The following AFF4 variants were observed in gnomAD, a reference collection of about 807,000 sequenced individuals.
AFF4 encodes the protein AF4/FMR2 family member 4.
AFF4 carries 13 observed loss-of-function variants against 124.8 expected under a neutral mutation model. The observed-to-expected ratio is 0.10, with a 90% CI of 0.07 to 0.17. AFF4 has a LOEUF of 0.17. Among genes scored for constraint, AFF4 ranks in the 10% least tolerant of loss-of-function variants. The pLI is 1.00. For missense variants in AFF4, 1,092 were observed against 1,403.8 expected (o/e 0.78, Z 3.55); for synonymous variants, 477 against 496.1 (o/e 0.96, Z 0.51).
At chr5:132,962,340 T>C (rs1048893380) in intron 1 of AFF4, among the ~76,000 whole-genome samples, 12 of 152,146 alleles carry the variant, frequency 7.9e-5, no homozygotes, top group Non-Finnish European at 1.8e-4. Context: ...AATGGAAAAG[T>C]GACTGGCCTT....
In AFF4 at chr5:132,879,362, A is replaced by T. The variant is rs990132587; in HGVS notation, c.*1697T>A. ...AGCAATCATCTACAAATAGTAGGAT[A>T]ATCTTTTTTTCTGACTGAATGGATT... On this transcript the variant is annotated 3_prime_UTR_variant, in exon 21 of 21. Coordinates refer to ENST00000265343, the MANE Select transcript of AFF4 (RefSeq NM_014423.4). 1 of 210,898 alleles carries T rather than the reference A, an allele frequency of 4.7e-6. No homozygotes were observed. 13.1% of individuals were successfully genotyped at this position (210,898 alleles called of 1,614,324 possible).
intron 6 of AFF4, among the ~76,000 whole-genome samples, chr5:132,902,704 C>T (rs1038334756): frequency 2.0e-5 from 3 of 152,118 alleles, no homozygotes; most frequent in Admixed American, 6.5e-5. Context: ...TAAACTCATA[C>T]GATCTTCTTG....
intron 5 of AFF4, among the ~76,000 whole-genome samples, chr5:132,912,173 C>CAA (rs1188332109): frequency 3.7e-4 from 24 of 64,058 alleles, no homozygotes; most frequent in East Asian, 5.2e-4. Flanking sequence ...ACTAAAAATA[C>CAA]AAAAAAAAAA....
At chr5:132,917,098 T>C (rs1373329584) in intron 5 of AFF4, among the ~76,000 whole-genome samples, 1 of 152,032 alleles carries the variant, frequency 6.6e-6, no homozygotes, top group African/African-American at 2.4e-5. Flanking sequence ...TTTGTATTTT[T>C]AGTAGAGACA....
Position 132,937,197 on chromosome 5 carries a change from T to C in AFF4, c.-4-4A>G. On this transcript the variant is annotated splice_region_variant and splice_polypyrimidine_tract_variant and intron_variant, in intron 1 of 20. Transcript: ENST00000265343. ...CCGGTCTTCACGGTTCATGTTGCTA[T>C]GAAAAGAAACACAATCTTTGTATCA... 1 of 1,602,884 alleles carries C rather than the reference T, an allele frequency of 6.2e-7. No homozygotes were observed. Among genetic ancestry groups the C allele is most frequent in the Non-Finnish European group, 8.5e-7 (1 of 1,173,460 alleles).
At chr5:132,920,215 A>G (rs1035089588) in intron 5 of AFF4, among the ~76,000 whole-genome samples, 1 of 151,690 alleles carries the variant, frequency 6.6e-6, no homozygotes, top group African/African-American at 2.4e-5. Context: ...ATGTCTGGCT[A>G]ATTTTTATAT....
intron 5 of AFF4, among the ~76,000 whole-genome samples, chr5:132,920,356 A>AT (rs71581351): frequency 0.036 from 4,522 of 125,814 alleles, 207 homozygotes; most frequent in East Asian, 0.13. Context: ...GCGGGCAAAC[A>AT]TTTTTTTTTT....
intron 10 of AFF4, among the ~76,000 whole-genome samples, chr5:132,898,025 T>C (rs1181290304): frequency 1.3e-5 from 2 of 152,224 alleles, no homozygotes; most frequent in African/African-American, 4.8e-5. Context: ...ACCTGTAATA[T>C]GCCAAGCAGT....
In AFF4 at chr5:132,899,121, C is replaced by T. The variant is rs186301624; in HGVS notation, c.1209G>A (p.Pro403=). 1.9e-5 allele frequency: 30 copies of T among 1,613,216 alleles called. 2 individuals are homozygous for T. Among genetic ancestry groups the T allele is most frequent in the African/African-American group, 1.2e-4 (9 of 75,004 alleles). ...ATGCCCACCTTCCTGGTGTACTCCT[C>T]GGCATTGTCTTATCACAATCCTAAA... ...DGEQDCDKTM[P]RSTPGSNSEP... The change falls in exon 9 of 21, where the codon CCG becomes CCA. Residue 403 remains proline (P), a synonymous_variant. Transcript: ENST00000265343.
At chr5:132,928,438 T>C (rs1485341148) in intron 4 of AFF4, among the ~76,000 whole-genome samples, 2 of 152,208 alleles carry the variant, frequency 1.3e-5, no homozygotes, top group African/African-American at 4.8e-5. Context: ...TTACTAGTGA[T>C]CTTTGTAGCC....
At chr5:132,943,538 G>C (rs929943497) in intron 1 of AFF4, 11 of 178,784 alleles carry the variant, frequency 6.2e-5, no homozygotes, top group Non-Finnish European at 1.3e-4. Context: ...GGTGGTATTG[G>C]TACTATCTCT....
intron 1 of AFF4, among the ~76,000 whole-genome samples, chr5:132,959,416 G>C (rs577648471): frequency 6.6e-6 from 1 of 152,042 alleles, no homozygotes; most frequent in Admixed American, 6.6e-5. Flanking sequence ...CACCGGGCCC[G>C]GCAAGGTTAC....
chr5:132,925,377 C>T (rs1048879229), intron 5 of AFF4, among the ~76,000 whole-genome samples: 4 of 151,450 alleles, frequency 2.6e-5, no homozygotes, highest in Admixed American at 6.6e-5. Context: ...TGTTTATGAT[C>T]CTAGAGAAAG....
At chr5:132,900,546 C>T (rs985740930) in intron 7 of AFF4, among the ~76,000 whole-genome samples, 5 of 151,946 alleles carry the variant, frequency 3.3e-5, no homozygotes, top group Admixed American at 1.3e-4. Context: ...GGCGACAGAG[C>T]GAGACTCTGT....
At chr5:132,957,752 AT>A (rs1243121345) in intron 1 of AFF4, among the ~76,000 whole-genome samples, 6 of 152,174 alleles carry the variant, frequency 3.9e-5, no homozygotes, top group South Asian at 4.1e-4. Flanking sequence ...AATAAAAAAA[AT>A]AAAATAAACA....
chr5:132,938,760 G>A (rs373502300), intron 1 of AFF4, among the ~76,000 whole-genome samples: 11 of 151,180 alleles, frequency 7.3e-5, no homozygotes, highest in Middle Eastern at 3.2e-3. Flanking sequence ...TGGCTAACAC[G>A]GTGAAACCCC....
At chr5:132,949,973 T>C (rs180992012) in intron 1 of AFF4, among the ~76,000 whole-genome samples, 1 of 151,918 alleles carries the variant, frequency 6.6e-6, no homozygotes, top group Non-Finnish European at 1.5e-5. Flanking sequence ...CAGTGAGCTA[T>C]GTTTGTGCCA....
intron 1 of AFF4, among the ~76,000 whole-genome samples, chr5:132,953,360 C>T (rs1212407775): frequency 1.3e-5 from 2 of 152,030 alleles, no homozygotes; most frequent in Non-Finnish European, 2.9e-5. Flanking sequence ...CCACCTCAGC[C>T]TCCTGAGTAG....
intron 7 of AFF4, among the ~76,000 whole-genome samples, chr5:132,902,232 G>C (rs1365407681): frequency 6.6e-6 from 1 of 151,976 alleles, no homozygotes; most frequent in East Asian, 1.9e-4. Context: ...ATTTTTAGTA[G>C]AGAAGGGGTT....
Sources: gnomAD v4.1 joint callset for allele counts (sites outside exome capture counted in the v4.1 genomes callset) on GRCh38, gnomAD v4.1.1 for gene constraint, MANE v1.5 for transcripts, NCBI Gene and HGNC (gene_info 2026-07-23, HGNC 2026-07-21) for gene names.